Variants in DPP10 observed in about 807,000 individuals in gnomAD.
The protein encoded by DPP10 is dipeptidyl peptidase like 10, also known as inactive dipeptidyl peptidase 10.
Under a neutral mutation model 120.9 loss-of-function variants are expected in DPP10, and 33 were observed. That is an observed-to-expected ratio of 0.27 (90% CI 0.21 to 0.37). DPP10 has a LOEUF of 0.37. Ranked by LOEUF, DPP10 falls within the 10% of genes least tolerant of loss-of-function variation. The pLI, the probability that DPP10 is intolerant of heterozygous loss-of-function variation, is 1.00. For missense variants in DPP10, 816 were observed against 942.8 expected, an observed-to-expected ratio of 0.87 and a Z score of 1.76; for synonymous variants, 337 against 326.1, an observed-to-expected ratio of 1.03 and a Z score of -0.36.
rs185795809 is a variant in DPP10 at position 115,690,979 on chromosome 2, G to A, written c.576+1058G>A. Among the ~76,000 whole-genome samples, 252 of 152,160 alleles carry A rather than the reference G, an allele frequency of 1.7e-3. 1 individual carries two copies. The highest frequency in any genetic ancestry group is 1.7e-3 in the Non-Finnish European group (114 of 67,984). ...AAATGATGATACAAAATAGTATTTC[G>A]TTATAGTTTTATTAACATTTAGTAT... On this transcript the variant is annotated intron_variant, in intron 7 of 25. Transcript: ENST00000410059.
intron 1 of DPP10, among the ~76,000 whole-genome samples, chr2:114,769,428 C>T (rs1010026592): frequency 6.6e-6 from 1 of 152,132 alleles, no homozygotes; most frequent in East Asian, 1.9e-4. Context: ...CCCTCAAATC[C>T]TCCATCCTCG....
chr2:114,674,296 TA>T (rs1326957564), intron 1 of DPP10, among the ~76,000 whole-genome samples: 1 of 152,060 alleles, frequency 6.6e-6, no homozygotes, highest in African/African-American at 2.4e-5. Context: ...AAGTATTCTC[TA>T]ATATTTAAAA....
intron 1 of DPP10, among the ~76,000 whole-genome samples, chr2:115,107,407 T>C (rs1333529136): frequency 7.2e-6 from 1 of 138,200 alleles, no homozygotes; most frequent in African/African-American, 2.6e-5. Context: ...AAAAAGTTTG[T>C]GGGATTGGTT....
intron 1 of DPP10, among the ~76,000 whole-genome samples, chr2:114,794,184 C>T (rs1683486663): frequency 6.6e-6 from 1 of 152,126 alleles, no homozygotes; most frequent in Non-Finnish European, 1.5e-5. Context: ...CTGACTTGTC[C>T]ATGACTGGTA....
intron 19 of DPP10, among the ~76,000 whole-genome samples, chr2:115,804,778 T>C (rs1341461368): frequency 6.6e-6 from 1 of 152,118 alleles, no homozygotes; most frequent in Non-Finnish European, 1.5e-5. Flanking sequence ...TGCTGCCTGA[T>C]TGTTCCTCTG....
intron 1 of DPP10, among the ~76,000 whole-genome samples, chr2:114,895,687 G>A (rs1371814319): frequency 6.6e-6 from 1 of 152,062 alleles, no homozygotes; most frequent in African/African-American, 2.4e-5. Flanking sequence ...AAGCCACTTT[G>A]GTTTCGAACT....
At chr2:115,076,304 A>G (rs202089391) in intron 1 of DPP10, among the ~76,000 whole-genome samples, 2 of 125,700 alleles carry the variant, frequency 1.6e-5, no homozygotes, top group Non-Finnish European at 1.7e-5. Context: ...TCCTTTTTCT[A>G]CCTTTCTCCC....
At chr2:114,508,742 A>G (rs961996154) in intron 1 of DPP10, among the ~76,000 whole-genome samples, 7 of 152,078 alleles carry the variant, frequency 4.6e-5, no homozygotes, top group African/African-American at 9.7e-5. Flanking sequence ...CCTCTCAGAG[A>G]GGCTGCTTTC....
chr2:114,632,988 A>C (rs1695045912), intron 1 of DPP10, among the ~76,000 whole-genome samples: 1 of 151,926 alleles, frequency 6.6e-6, no homozygotes, highest in Non-Finnish European at 1.5e-5. Context: ...CTTACCTTAC[A>C]AACCTCAGAC....
chr2:114,500,657 A>T (rs1444902007), intron 1 of DPP10, among the ~76,000 whole-genome samples: 1 of 152,084 alleles, frequency 6.6e-6, no homozygotes, highest in East Asian at 1.9e-4. Flanking sequence ...GGCCTCCAGG[A>T]TCCAGGAAAA....
chr2:114,866,844 G>A (rs1324102091), intron 1 of DPP10, among the ~76,000 whole-genome samples: 2 of 152,158 alleles, frequency 1.3e-5, no homozygotes, highest in Non-Finnish European at 2.9e-5. Context: ...GGTGAAGCCT[G>A]GAGAACCCCC....
chr2:115,409,293 C>G (rs2068759129), intron 3 of DPP10, among the ~76,000 whole-genome samples: 1 of 151,912 alleles, frequency 6.6e-6, no homozygotes, highest in African/African-American at 2.4e-5. Context: ...ATAGTGAGAT[C>G]TATATCAAAA....
At chr2:115,388,881 CAT>C in intron 3 of DPP10, among the ~76,000 whole-genome samples, 1 of 151,990 alleles carries the variant, frequency 6.6e-6, no homozygotes, top group Non-Finnish European at 1.5e-5. Context: ...AAAAAATACA[CAT>C]GATATGTAAT....
chr2:115,059,205 A>G (rs1300001115), intron 1 of DPP10, among the ~76,000 whole-genome samples: 1 of 146,416 alleles, frequency 6.8e-6, no homozygotes, highest in Non-Finnish European at 1.5e-5. Flanking sequence ...AGAGGGAGGA[A>G]CAGAAGGAAA....
rs913481562 is a variant in DPP10, at chr2:114,981,217, A to G, written c.61-328022A>G. 7.9e-5 allele frequency among the ~76,000 whole-genome samples: 12 copies of G among 152,300 alleles called. No individual in the cohort carries two copies. The East Asian group carries it at 2.3e-3, about 29-fold the overall frequency. On this transcript the variant is annotated intron_variant, in intron 1 of 25. Transcript: ENST00000410059. Reference sequence around the variant, plus strand: ...AGCTGGGGCTATACGATGTCTGTGCAAAGGGCCCCCTACCACATTCTACGA... The same window carrying G: ...AGCTGGGGCTATACGATGTCTGTGCGAAGGGCCCCCTACCACATTCTACGA...
intron 1 of DPP10, among the ~76,000 whole-genome samples, chr2:114,771,001 A>C (rs1681200416): frequency 6.6e-6 from 1 of 152,204 alleles, no homozygotes; most frequent in Non-Finnish European, 1.5e-5. Flanking sequence ...AACACTTTGG[A>C]TATGAATGTT....
intron 1 of DPP10, among the ~76,000 whole-genome samples, chr2:114,782,782 A>C (rs552507467): frequency 5.9e-5 from 9 of 152,260 alleles, no homozygotes; most frequent in Non-Finnish European, 8.8e-5. Flanking sequence ...CTAGAGAATA[A>C]TTTCAGTGAT....
intron 3 of DPP10, among the ~76,000 whole-genome samples, chr2:115,462,039 T>A (rs2105079508): frequency 6.6e-6 from 1 of 152,302 alleles, no homozygotes; most frequent in East Asian, 1.9e-4. Context: ...TTTACTATTT[T>A]CTTCTAAAGA....
chr2:115,586,983 C>G (rs2082325453), intron 5 of DPP10, among the ~76,000 whole-genome samples: 2 of 151,982 alleles, frequency 1.3e-5, no homozygotes. Context: ...TTCACACATT[C>G]ACTAGCAGCC....
Sources: gnomAD v4.1 joint callset for allele counts (sites outside exome capture counted in the v4.1 genomes callset) on GRCh38, gnomAD v4.1.1 for gene constraint, MANE v1.5 for transcripts, NCBI Gene and HGNC (gene_info 2026-07-23, HGNC 2026-07-21) for gene names.